ANKRD12: variants seen among roughly 807,000 people sequenced by gnomAD.
ANKRD12 encodes ankyrin repeat domain 12.
A neutral mutation model predicts 183.4 loss-of-function variants in ANKRD12; 85 were observed. The ratio of observed to expected loss-of-function variants is 0.46; its 90% CI spans 0.39 to 0.56. ANKRD12 has a LOEUF of 0.56. Among genes scored for constraint, ANKRD12 ranks in the 20% least tolerant of loss-of-function variants. The pLI is 0.00. For synonymous variants in ANKRD12, 914 were observed against 800.2 expected, an observed-to-expected ratio of 1.14 and a Z score of -2.40; for missense variants, 2,405 against 2,357.1, an observed-to-expected ratio of 1.02 and a Z score of -0.42.
At chr18:9,217,316 C>G (rs2036165796) in intron 7 of ANKRD12, among the ~76,000 whole-genome samples, 1 of 152,188 alleles carries the variant, frequency 6.6e-6, no homozygotes, top group Non-Finnish European at 1.5e-5. Flanking sequence ...GGCCAGTTTA[C>G]TAGCTGTGTA....
chr18:9,192,838 C>A (rs183260692), intron 2 of ANKRD12, among the ~76,000 whole-genome samples: 1 of 151,272 alleles, frequency 6.6e-6, no homozygotes, highest in Non-Finnish European at 1.5e-5. Context: ...TGTGCCATTG[C>A]GCCCAGCTAG....
At chr18:9,183,046 C>T (rs1019685108) in intron 2 of ANKRD12, among the ~76,000 whole-genome samples, 12 of 152,180 alleles carry the variant, frequency 7.9e-5, no homozygotes, top group South Asian at 2.1e-4. Flanking sequence ...AACGGAGTTG[C>T]GCAACCATCA....
At chr18:9,144,616 A>G (rs1000195279) in intron 1 of ANKRD12, among the ~76,000 whole-genome samples, 1 of 152,206 alleles carries the variant, frequency 6.6e-6, no homozygotes, top group Admixed American at 6.5e-5. Flanking sequence ...GTATAATTAC[A>G]ACTACTCCAT....
At position 9,223,124 on chromosome 18, in the gene ANKRD12, A is replaced by C. The variant is rs146506611; in HGVS notation, c.943+1125A>C. ...ACATTTGAGAGGTGATAATAAAAGT[A>C]TAGTAAACTCAGGGTTGGGCGTGGT... On this transcript the variant is annotated intron_variant, in intron 8 of 12. Transcript: ENST00000262126. Among the ~76,000 whole-genome samples, 12 of 152,362 alleles carry C rather than the reference A, an allele frequency of 7.9e-5. No homozygotes were observed. In the South Asian group the frequency reaches 2.5e-3, roughly 32 times the overall value.
rs559516033 is a variant in ANKRD12, at chr18:9,200,255, A to C, written c.236-4221A>C. On this transcript the variant is annotated intron_variant, in intron 3 of 12. Coordinates refer to ENST00000262126, the MANE Select transcript of ANKRD12 (RefSeq NM_015208.5). ...TTACAACATAATTTGAAATCAGGCC[A>C]GTGGGTCCTTGTAGCTCTATCGTAG... Among the ~76,000 whole-genome samples, 6 of 152,368 alleles carry C rather than the reference A, an allele frequency of 3.9e-5. No homozygotes were observed. The South Asian group carries it at 1.2e-3, about 32-fold the overall frequency.
intron 10 of ANKRD12, among the ~76,000 whole-genome samples, chr18:9,272,355 G>C (rs953367293): frequency 6.6e-6 from 1 of 152,012 alleles, no homozygotes. Context: ...CTGAGGTCAG[G>C]AGTTCAAGAC....
intron 10 of ANKRD12, among the ~76,000 whole-genome samples, chr18:9,269,222 C>T (rs147285710): frequency 0.063 from 9,607 of 152,150 alleles, 330 homozygotes; most frequent in Non-Finnish European, 0.079. Flanking sequence ...TCAATGCCAT[C>T]CCCATCAAGC....
At chr18:9,187,886 A>G (rs1313747821) in intron 2 of ANKRD12, among the ~76,000 whole-genome samples, 1 of 152,232 alleles carries the variant, frequency 6.6e-6, no homozygotes, top group Non-Finnish European at 1.5e-5. Context: ...TCATCAGTGT[A>G]GTTCAGACAT....
chr18:9,237,588 T>C (rs1172874081), intron 8 of ANKRD12, among the ~76,000 whole-genome samples: 1 of 152,082 alleles, frequency 6.6e-6, no homozygotes, highest in Non-Finnish European at 1.5e-5. Context: ...GTGCCTGGAG[T>C]TGTAGGGTTA....
intron 6 of ANKRD12, 23 bp from the exon 7 acceptor site, chr18:9,216,735 T>A (rs1336132733): frequency 6.2e-7 from 1 of 1,608,544 alleles, no homozygotes; most frequent in Non-Finnish European, 8.5e-7. Context: ...GTGAATCATG[T>A]TAAATTAATA....
chr18:9,270,090 G>A (rs574424161), intron 10 of ANKRD12, among the ~76,000 whole-genome samples: 2,039 of 152,246 alleles, frequency 0.013, 39 homozygotes, highest in African/African-American at 0.047. Flanking sequence ...TTAGAATGGC[G>A]ATCATTAAAA....
intron 1 of ANKRD12, among the ~76,000 whole-genome samples, chr18:9,147,688 T>C (rs1027224217): frequency 8.5e-5 from 13 of 152,158 alleles, no homozygotes. Context: ...GTAGTAGAAA[T>C]GTACCTAGAA....
chr18:9,156,821 C>T (rs1038110403), intron 1 of ANKRD12, among the ~76,000 whole-genome samples: 4 of 152,182 alleles, frequency 2.6e-5, no homozygotes, highest in African/African-American at 9.6e-5. Flanking sequence ...AAAATTGTGA[C>T]ACATGCTACA....
At chr18:9,221,130 TA>T (rs2036397568) in intron 7 of ANKRD12, among the ~76,000 whole-genome samples, 1 of 152,134 alleles carries the variant, frequency 6.6e-6, no homozygotes, top group Non-Finnish European at 1.5e-5. Context: ...GATTGGCTTC[TA>T]AAAAGGAGCC....
At chr18:9,251,131 A>C (rs2038271042) in intron 8 of ANKRD12, among the ~76,000 whole-genome samples, 1 of 152,204 alleles carries the variant, frequency 6.6e-6, no homozygotes, top group South Asian at 2.1e-4. Context: ...AGGCATGTGA[A>C]ATGTAATTAC....
chr18:9,160,020 C>T (rs551344562), intron 1 of ANKRD12, among the ~76,000 whole-genome samples: 11 of 151,946 alleles, frequency 7.2e-5, no homozygotes, highest in African/African-American at 2.2e-4. Flanking sequence ...CTGTAATCCC[C>T]GCACTTTGGG....
intron 2 of ANKRD12, among the ~76,000 whole-genome samples, chr18:9,191,244 T>A (rs746679615): frequency 7.9e-5 from 12 of 152,214 alleles, no homozygotes; most frequent in Non-Finnish European, 1.8e-4. Context: ...CTAATGAGCC[T>A]CTCGTGAATT....
intron 1 of ANKRD12, among the ~76,000 whole-genome samples, chr18:9,158,672 C>G (rs774474287): frequency 3.9e-5 from 6 of 152,184 alleles, no homozygotes; most frequent in South Asian, 4.1e-4. Flanking sequence ...TCAGGTTTCT[C>G]TACAGCACAG....
intron 1 of ANKRD12, among the ~76,000 whole-genome samples, chr18:9,141,460 C>G (rs1413099829): frequency 6.6e-6 from 1 of 152,144 alleles, no homozygotes; most frequent in Non-Finnish European, 1.5e-5. Flanking sequence ...GTTTGTCCAG[C>G]TTAGAAAACA....
Sources: gnomAD v4.1 joint callset for allele counts (sites outside exome capture counted in the v4.1 genomes callset) on GRCh38, gnomAD v4.1.1 for gene constraint, MANE v1.5 for transcripts, NCBI Gene and HGNC (gene_info 2026-07-23, HGNC 2026-07-21) for gene names.